The following NMNAT2 variants were observed in gnomAD, a reference collection of about 807,000 sequenced individuals.
NMNAT2 encodes the protein nicotinamide/nicotinic acid mononucleotide adenylyltransferase 2.
In NMNAT2, 11 loss-of-function variants were observed where a neutral mutation model predicts 41.6. That is an observed-to-expected ratio of 0.26 (90% CI 0.17 to 0.44). The LOEUF (loss-of-function observed/expected upper bound fraction) is 0.44. NMNAT2 is among the 20% of genes least tolerant of loss of function. The pLI, the probability that NMNAT2 is intolerant of heterozygous loss-of-function variation, is 1.00. For missense variants in NMNAT2, 288 were observed against 407.7 expected (o/e 0.71, Z 2.53); for synonymous variants, 148 against 151.2 (o/e 0.98, Z 0.16).
At chr1:183,398,578 A>T (rs952070982) in intron 1 of NMNAT2, among the ~76,000 whole-genome samples, 4 of 152,174 alleles carry the variant, frequency 2.6e-5, no homozygotes, top group Non-Finnish European at 4.4e-5. Flanking sequence ...ACATCTACAG[A>T]ACTCTCCACC....
intron 7 of NMNAT2, 160 bp downstream of exon 7, chr1:183,283,835 C>T (rs192469153): frequency 3.8e-5 from 27 of 713,156 alleles, no homozygotes; most frequent in Middle Eastern, 2.3e-4. Flanking sequence ...GAGCTAACTA[C>T]GAATGCAATC....
intron 1 of NMNAT2, among the ~76,000 whole-genome samples, chr1:183,305,764 AG>A (rs1185838110): frequency 7.5e-6 from 1 of 132,774 alleles, no homozygotes; most frequent in Admixed American, 8.8e-5. Flanking sequence ...CTTGTTGCCC[AG>A]GCTGGAGTGC....
chr1:183,271,563 G>A (rs1660989482), intron 8 of NMNAT2, among the ~76,000 whole-genome samples: 1 of 152,034 alleles, frequency 6.6e-6, no homozygotes, highest in Non-Finnish European at 1.5e-5. Flanking sequence ...ATGTTTACTA[G>A]GTTCAGGAAC....
chr1:183,267,680 G>A (rs978461122), intron 8 of NMNAT2, among the ~76,000 whole-genome samples: 11 of 152,218 alleles, frequency 7.2e-5, no homozygotes, highest in South Asian at 4.1e-4. Flanking sequence ...TTCCTATGCC[G>A]CCTGCAGGAG....
At chr1:183,357,271 C>T (rs1663214702) in intron 1 of NMNAT2, among the ~76,000 whole-genome samples, 1 of 147,258 alleles carries the variant, frequency 6.8e-6, no homozygotes, top group African/African-American at 2.5e-5. Flanking sequence ...GCTCTATCGC[C>T]CAGGCTGGAG....
intron 1 of NMNAT2, among the ~76,000 whole-genome samples, chr1:183,308,066 T>C (rs1372850033): frequency 6.6e-6 from 1 of 152,202 alleles, no homozygotes; most frequent in Non-Finnish European, 1.5e-5. Flanking sequence ...TGAGCTCTGC[T>C]GGCATTGGGA....
intron 1 of NMNAT2, among the ~76,000 whole-genome samples, chr1:183,297,405 G>A (rs1476606236): frequency 2.0e-5 from 3 of 148,834 alleles, no homozygotes; most frequent in South Asian, 2.1e-4. Context: ...TTTTTGAGAC[G>A]GAGTTTCGCT....
At chr1:183,397,198 T>C (rs1648673093) in intron 1 of NMNAT2, among the ~76,000 whole-genome samples, 1 of 152,164 alleles carries the variant, frequency 6.6e-6, no homozygotes, top group South Asian at 2.1e-4. Context: ...TTGAATTCCT[T>C]CTCATGACAG....
At chr1:183,293,291 C>T (rs959149568) in intron 2 of NMNAT2, among the ~76,000 whole-genome samples, 6 of 152,184 alleles carry the variant, frequency 3.9e-5, no homozygotes, top group Admixed American at 1.3e-4. Flanking sequence ...GAGGGATGAG[C>T]AGGGATATGA....
chr1:183,329,000 C>A (rs577151650), intron 1 of NMNAT2, among the ~76,000 whole-genome samples: 3 of 152,234 alleles, frequency 2.0e-5, no homozygotes, highest in African/African-American at 7.2e-5. Context: ...GGTAGAGGAG[C>A]AGAGGTAGCA....
intron 8 of NMNAT2, among the ~76,000 whole-genome samples, chr1:183,263,154 G>A (rs985722883): frequency 1.2e-4 from 18 of 152,122 alleles, no homozygotes; most frequent in African/African-American, 3.1e-4. Context: ...CTCTGATGTC[G>A]CTGAAATAAA....
intron 8 of NMNAT2, among the ~76,000 whole-genome samples, chr1:183,262,237 T>C (rs1660677728): frequency 6.6e-6 from 1 of 152,064 alleles, no homozygotes; most frequent in South Asian, 2.1e-4. Context: ...AGCCAAAACC[T>C]TCTTTTCGTT....
chr1:183,413,742 G>A (rs1365122646), intron 1 of NMNAT2, among the ~76,000 whole-genome samples: 4 of 151,676 alleles, frequency 2.6e-5, no homozygotes, highest in Non-Finnish European at 5.9e-5. Flanking sequence ...GAGTAGCTGG[G>A]ACTACAGGCG....
chr1:183,349,369 A>G (rs768266630), intron 1 of NMNAT2, among the ~76,000 whole-genome samples: 4 of 152,258 alleles, frequency 2.6e-5, no homozygotes, highest in Non-Finnish European at 1.5e-5. Flanking sequence ...CAAAAGGACC[A>G]GTCATCCTTA....
intron 1 of NMNAT2, among the ~76,000 whole-genome samples, chr1:183,346,672 C>A (rs553214412): frequency 6.6e-6 from 1 of 152,194 alleles, no homozygotes; most frequent in Non-Finnish European, 1.5e-5. Flanking sequence ...GACCAACCTT[C>A]TTTTTGTTTT....
At position 183,286,545 on chromosome 1, in the gene NMNAT2, C is replaced by T. The variant is rs1661402815; in HGVS notation, c.448+117G>A. The T allele has an allele frequency of 1.1e-5, 9 of 803,606 alleles. No homozygotes were observed. The African/African-American group carries it at 1.2e-4, about 11-fold the overall frequency. 49.8% of individuals were successfully genotyped at this position (803,606 alleles called of 1,614,324 possible). On this transcript the variant is annotated intron_variant, in intron 5 of 10. Transcript: ENST00000287713. The stretch of plus-strand genomic sequence containing the variant: ...CAGCACCTTATTAAAAATACAAGTC[C>T]TCTTTCCCCTCTCAGACCTACTGAA...
chr1:183,413,602 C>CTTTTTTTTTTTTT (rs71130613), intron 1 of NMNAT2, among the ~76,000 whole-genome samples: 2 of 82,534 alleles, frequency 2.4e-5, no homozygotes, highest in African/African-American at 4.7e-5. Flanking sequence ...TCTTTTCTTT[C>CTTTTTTTTTTTTT]TTTTTTTTTT....
rs201335324 is a variant in NMNAT2 at position 183,418,320 on chromosome 1, T to C, written c.-53A>G. ...TAGGGGTTGCCTCTCTTTTTGTGTC[T>C]CGTTGTGTCTGCAGAGGGAGAAAGG... On this transcript the variant is annotated 5_prime_UTR_variant, in exon 1 of 11. Transcript: ENST00000287713. 1 of 1,539,574 alleles carries C rather than the reference T, an allele frequency of 6.5e-7. No individual in the cohort carries two copies. The highest frequency in any genetic ancestry group is 1.7e-4 in the Middle Eastern group (1 of 5,936).
At chr1:183,347,099 A>G (rs1212268749) in intron 1 of NMNAT2, among the ~76,000 whole-genome samples, 1 of 152,178 alleles carries the variant, frequency 6.6e-6, no homozygotes, top group African/African-American at 2.4e-5. Context: ...TTCTTCTGTG[A>G]GTATTCCATC....
Sources: allele counts gnomAD v4.1 joint callset (sites outside exome capture counted in the v4.1 genomes callset), GRCh38; gene constraint gnomAD v4.1.1; transcripts MANE v1.5; gene names NCBI Gene and HGNC (gene_info 2026-07-23, HGNC 2026-07-21).